Variants in INPP4B observed in about 807,000 individuals in gnomAD.
The protein encoded by INPP4B is inositol polyphosphate-4-phosphatase type II B, also known as inositol polyphosphate 4-phosphatase type II.
A neutral mutation model predicts 122.5 loss-of-function variants in INPP4B; 55 were observed. The ratio of observed to expected loss-of-function variants is 0.45; its 90% CI spans 0.36 to 0.56. The LOEUF is 0.56. Among genes scored for constraint, INPP4B ranks in the 20% least tolerant of loss-of-function variants. The pLI is 0.00. For synonymous variants in INPP4B, 403 were observed against 388.7 expected (o/e 1.04, Z -0.43); for missense variants, 1,000 against 1,097.7 (o/e 0.91, Z 1.26).
chr4:142,508,406 T>G (rs1824288197), intron 2 of INPP4B, among the ~76,000 whole-genome samples: 1 of 152,144 alleles, frequency 6.6e-6, no homozygotes, highest in Non-Finnish European at 1.5e-5. Flanking sequence ...CCGAGGTAGC[T>G]GGGACTTACA....
chr4:142,803,915 T>C (rs1206928810), intron 1 of INPP4B, among the ~76,000 whole-genome samples: 2 of 151,826 alleles, frequency 1.3e-5, no homozygotes, highest in Non-Finnish European at 2.9e-5. Flanking sequence ...AAAAATTAGC[T>C]GGGCATGGCG....
At chr4:142,208,571 T>A (rs756171859) in intron 13 of INPP4B, 42 bp from the exon 14 acceptor site, 3 of 1,052,710 alleles carry the variant, frequency 2.8e-6, no homozygotes, top group Admixed American at 4.0e-5. Context: ...TAAATAATGA[T>A]AAATTAATAT....
intron 25 of INPP4B, among the ~76,000 whole-genome samples, chr4:142,063,676 T>G (rs1356482543): frequency 6.6e-6 from 1 of 152,210 alleles, no homozygotes; most frequent in Admixed American, 6.5e-5. Flanking sequence ...AGTACTAGTA[T>G]GCTGACATCC....
At chr4:142,393,562 T>C (rs1444658079) in intron 7 of INPP4B, among the ~76,000 whole-genome samples, 1 of 152,148 alleles carries the variant, frequency 6.6e-6, no homozygotes, top group Non-Finnish European at 1.5e-5. Flanking sequence ...CTCTCAAAAT[T>C]GAGAAAGTGA....
chr4:142,230,728 AT>A (rs568291331), intron 12 of INPP4B, among the ~76,000 whole-genome samples: 111 of 150,816 alleles, frequency 7.4e-4, no homozygotes, highest in Non-Finnish European at 1.4e-3. Flanking sequence ...TTTCTCTTTT[AT>A]AAATTTTCTA....
chr4:142,760,724 A>C (rs966433510), intron 1 of INPP4B, among the ~76,000 whole-genome samples: 3 of 152,168 alleles, frequency 2.0e-5, no homozygotes, highest in Non-Finnish European at 2.9e-5. Flanking sequence ...TGGACTTTTT[A>C]TGAAGAAAAG....
At chr4:142,052,508 A>G (rs1755205466) in intron 25 of INPP4B, among the ~76,000 whole-genome samples, 1 of 150,910 alleles carries the variant, frequency 6.6e-6, no homozygotes, top group Non-Finnish European at 1.5e-5. Flanking sequence ...GGAAACACTT[A>G]CAGACATAAA....
intron 1 of INPP4B, among the ~76,000 whole-genome samples, chr4:142,730,194 C>G (rs1765881942): frequency 5.9e-5 from 9 of 152,134 alleles, no homozygotes; most frequent in Admixed American, 5.9e-4. Context: ...TCTTACACTC[C>G]CACTAGGGAA....
chr4:142,604,742 A>C (rs550737935), intron 2 of INPP4B, among the ~76,000 whole-genome samples: 1 of 152,156 alleles, frequency 6.6e-6, no homozygotes, highest in Non-Finnish European at 1.5e-5. Flanking sequence ...ATAGAAAGAC[A>C]TCCCATGCTC....
intron 12 of INPP4B, among the ~76,000 whole-genome samples, chr4:142,217,491 T>G (rs972386665): frequency 2.0e-5 from 3 of 152,176 alleles, no homozygotes; most frequent in Non-Finnish European, 4.4e-5. Flanking sequence ...AGTGCTAAGC[T>G]CTGCCAAGTT....
At chr4:142,677,706 G>A (rs1758017651) in intron 2 of INPP4B, among the ~76,000 whole-genome samples, 1 of 152,056 alleles carries the variant, frequency 6.6e-6, no homozygotes, top group Non-Finnish European at 1.5e-5. Context: ...CATGGATGAA[G>A]CTGGAAACCA....
intron 5 of INPP4B, among the ~76,000 whole-genome samples, chr4:142,408,110 A>G (rs1449944489): frequency 3.3e-5 from 5 of 152,214 alleles, no homozygotes; most frequent in Non-Finnish European, 7.3e-5. Flanking sequence ...ATGGATCTGT[A>G]CATACTGAAT....
intron 2 of INPP4B, among the ~76,000 whole-genome samples, chr4:142,626,171 G>A (rs1362772206): frequency 6.6e-6 from 1 of 152,058 alleles, no homozygotes; most frequent in Non-Finnish European, 1.5e-5. Context: ...CACAACAAAA[G>A]AAACTACCAT....
At chr4:142,277,972 G>C (rs1187538487) in intron 9 of INPP4B, among the ~76,000 whole-genome samples, 2 of 151,800 alleles carry the variant, frequency 1.3e-5, no homozygotes, top group African/African-American at 4.8e-5. Flanking sequence ...CTGCTCGGAT[G>C]ATGGGTGCAC....
Position 142,780,985 on chromosome 4 carries a change from G to A in INPP4B, c.-253-55084C>T, listed in dbSNP as rs548136834. Among the ~76,000 whole-genome samples the A allele has an allele frequency of 9.2e-5, 14 of 152,178 alleles. No homozygotes were observed. In the East Asian group the frequency reaches 2.7e-3, roughly 29 times the overall value. On this transcript the variant is annotated intron_variant, in intron 1 of 25. Coordinates refer to ENST00000262992, the MANE Select transcript of INPP4B (RefSeq NM_001101669.3). ...GCTCATTTATCTCAAGACCTTAGAC[G>A]CGTTAGAGAAATCAATCTCATAATA...
At chr4:142,151,849 T>C (rs893035048) in intron 17 of INPP4B, among the ~76,000 whole-genome samples, 1 of 152,140 alleles carries the variant, frequency 6.6e-6, no homozygotes, top group South Asian at 2.1e-4. Flanking sequence ...ATATATTTAC[T>C]AGGCATCTGC....
intron 9 of INPP4B, among the ~76,000 whole-genome samples, chr4:142,283,484 T>G (rs1047949557): frequency 2.0e-5 from 3 of 152,182 alleles, no homozygotes; most frequent in African/African-American, 7.2e-5. Flanking sequence ...TAGGCAATTT[T>G]GTCCTTGTGT....
chr4:142,594,049 G>C (rs1461797984), intron 2 of INPP4B, among the ~76,000 whole-genome samples: 1 of 152,080 alleles, frequency 6.6e-6, no homozygotes, highest in Non-Finnish European at 1.5e-5. Flanking sequence ...AACTAGTTAT[G>C]ATTGGTGAAC....
chr4:142,681,977 C>T (rs1336669400), intron 2 of INPP4B, among the ~76,000 whole-genome samples: 1 of 151,826 alleles, frequency 6.6e-6, no homozygotes, highest in Non-Finnish European at 1.5e-5. Context: ...CAATTCTTTT[C>T]CTCTTCAACG....
Sources: allele counts gnomAD v4.1 joint callset (sites outside exome capture counted in the v4.1 genomes callset), GRCh38; gene constraint gnomAD v4.1.1; transcripts MANE v1.5; gene names NCBI Gene and HGNC (gene_info 2026-07-23, HGNC 2026-07-21).